RNF144A: variants seen among roughly 807,000 people sequenced by gnomAD.
RNF144A encodes the protein E3 ubiquitin-protein ligase RNF144A.
In RNF144A, 11 loss-of-function variants were observed where a neutral mutation model predicts 38.7. The ratio of observed to expected loss-of-function variants is 0.28; its 90% CI spans 0.18 to 0.47. The LOEUF is 0.47. Ranked by LOEUF, RNF144A falls within the 20% of genes least tolerant of loss-of-function variation. The probability of loss-of-function intolerance (pLI) is 0.99; values close to 1 mark genes in which losing one functional copy is unlikely to be tolerated. For missense variants in RNF144A, 316 were observed against 377.2 expected (o/e 0.84, Z 1.34); for synonymous variants, 149 against 143.9 (o/e 1.04, Z -0.25).
intron 6 of RNF144A, among the ~76,000 whole-genome samples, chr2:7,023,519 A>G (rs1278701999): frequency 6.6e-6 from 1 of 152,144 alleles, no homozygotes; most frequent in Non-Finnish European, 1.5e-5. Context: ...GGACCCCCAT[A>G]ATCAGTGATA....
intron 2 of RNF144A, among the ~76,000 whole-genome samples, chr2:6,990,572 A>AACACAC (rs70942685): frequency 4.9e-4 from 41 of 83,968 alleles, no homozygotes; most frequent in South Asian, 2.4e-3. Flanking sequence ...TACACACACA[A>AACACAC]ACACACACAC....
chr2:6,980,989 A>G (rs1000040602), intron 2 of RNF144A, among the ~76,000 whole-genome samples: 1 of 152,226 alleles, frequency 6.6e-6, no homozygotes, highest in African/African-American at 2.4e-5. Flanking sequence ...CACCCTCTGA[A>G]GCAATGGCCT....
At chr2:7,064,936 C>T (rs1460861333) in intron 6 of RNF144A, among the ~76,000 whole-genome samples, 2 of 152,122 alleles carry the variant, frequency 1.3e-5, no homozygotes, top group African/African-American at 4.8e-5. Flanking sequence ...ATCACCAAGC[C>T]CTGAGAACTC....
At chr2:6,964,136 T>C (rs1391883653) in intron 2 of RNF144A, among the ~76,000 whole-genome samples, 2 of 152,178 alleles carry the variant, frequency 1.3e-5, no homozygotes, top group Non-Finnish European at 2.9e-5. Context: ...AATGTGAATT[T>C]TCATTCTTTG....
At chr2:6,979,022 T>A (rs1220008977) in intron 2 of RNF144A, among the ~76,000 whole-genome samples, 1 of 152,238 alleles carries the variant, frequency 6.6e-6, no homozygotes, top group Non-Finnish European at 1.5e-5. Flanking sequence ...CTTGGTGGTC[T>A]CTGCAGCCAG....
In RNF144A at chr2:6,941,642, C is replaced by T. The variant is rs1211275686; in HGVS notation, c.-12+495C>T. On this transcript the variant is annotated intron_variant, in intron 2 of 8. Transcript: ENST00000320892. This position sits in a 1 kb window ranked among gnomAD's most constrained non-coding sequence, Gnocchi z 6.5. Reference sequence around the variant, plus strand: ...AGCCGGAAGCAAATTATATACTATGCAACAAGGCCTAGATATTGTAGAGAA... The same window carrying T: ...AGCCGGAAGCAAATTATATACTATGTAACAAGGCCTAGATATTGTAGAGAA... 6.6e-6 allele frequency among the ~76,000 whole-genome samples: 1 copy of T among 152,248 alleles called. No homozygotes were observed. The highest frequency in any genetic ancestry group is 1.5e-5 in the Non-Finnish European group (1 of 68,050).
chr2:7,058,839 T>TC (rs1220162179), intron 6 of RNF144A, among the ~76,000 whole-genome samples: 1 of 152,204 alleles, frequency 6.6e-6, no homozygotes, highest in Non-Finnish European at 1.5e-5. Flanking sequence ...AGTTTTTTTT[T>TC]CTACAGAGCA....
At chr2:6,972,776 A>C (rs958721548) in intron 2 of RNF144A, among the ~76,000 whole-genome samples, 1 of 152,220 alleles carries the variant, frequency 6.6e-6, no homozygotes, top group Non-Finnish European at 1.5e-5. Context: ...CCAAACTCCC[A>C]GAGAAAAGGA....
At chr2:7,032,676 C>A (rs1318678963) in intron 8 of RNF144A, among the ~76,000 whole-genome samples, 1 of 152,218 alleles carries the variant, frequency 6.6e-6, no homozygotes, top group Non-Finnish European at 1.5e-5. Context: ...TTGTCCAAAT[C>A]CCCCCTTTCT....
intron 7 of RNF144A, among the ~76,000 whole-genome samples, chr2:7,024,974 A>G (rs1214597812): frequency 5.9e-5 from 9 of 151,276 alleles, no homozygotes; most frequent in African/African-American, 2.2e-4. Flanking sequence ...TGTTCAGGAT[A>G]GTGAGGACAG....
chr2:6,984,537 C>T (rs532562361), intron 2 of RNF144A, among the ~76,000 whole-genome samples: 1 of 152,258 alleles, frequency 6.6e-6, no homozygotes, highest in East Asian at 1.9e-4. Context: ...CTCCTGACCT[C>T]ATGATCCGCC....
chr2:7,029,462 C>A (rs1028804413), intron 7 of RNF144A, among the ~76,000 whole-genome samples: 19 of 152,224 alleles, frequency 1.2e-4, no homozygotes, highest in African/African-American at 4.6e-4. Flanking sequence ...GAGGCGTCCA[C>A]AGGTGTTCCT....
intron 3 of RNF144A, 79 bp from the exon 4 acceptor site, chr2:7,014,375 C>A: frequency 2.2e-6 from 2 of 926,236 alleles, no homozygotes; most frequent in Non-Finnish European, 3.6e-6. Flanking sequence ...TGTGCCTGGT[C>A]CTTTTTTTAA....
chr2:6,923,213 C>G (rs923258202), intron 1 of RNF144A, among the ~76,000 whole-genome samples: 3 of 152,218 alleles, frequency 2.0e-5, no homozygotes, highest in African/African-American at 7.2e-5. Context: ...GTGTTCCCTC[C>G]ACAGAAATAC....
At chr2:7,029,661 G>A (rs1229958405) in intron 7 of RNF144A, among the ~76,000 whole-genome samples, 1 of 152,246 alleles carries the variant, frequency 6.6e-6, no homozygotes, top group African/African-American at 2.4e-5. Flanking sequence ...CCAATCCCAG[G>A]AATAGCCCTG....
At chr2:6,927,388 T>C (rs1361266991) in intron 1 of RNF144A, among the ~76,000 whole-genome samples, 1 of 152,226 alleles carries the variant, frequency 6.6e-6, no homozygotes, top group African/African-American at 2.4e-5. Flanking sequence ...GACCTTGTTT[T>C]TTTTCTGTCC....
chr2:7,025,206 G>A (rs537292548), intron 7 of RNF144A, among the ~76,000 whole-genome samples: 54 of 152,354 alleles, frequency 3.5e-4, no homozygotes, highest in African/African-American at 1.3e-3. Flanking sequence ...CCTGACGGGA[G>A]GGCACAATCT....
At position 6,944,896 on chromosome 2, in the gene RNF144A, A is replaced by T. The variant is rs1320079901; in HGVS notation, c.-12+3749A>T. Reference sequence around the variant, plus strand: ...ATTCCAGCACGAGCAAAGATTTTTTAAATGTTTAGAATTTATAAAGAGAGG... The same window carrying T: ...ATTCCAGCACGAGCAAAGATTTTTTTAATGTTTAGAATTTATAAAGAGAGG... On this transcript the variant is annotated intron_variant, in intron 2 of 8. Coordinates refer to ENST00000320892, the MANE Select transcript of RNF144A (RefSeq NM_014746.6). The surrounding 1 kb of genome is among the most constrained non-coding windows in gnomAD (Gnocchi z 4.7). 6.6e-6 allele frequency among the ~76,000 whole-genome samples: 1 copy of T among 152,230 alleles called. No homozygotes were observed. The highest frequency in any genetic ancestry group is 1.5e-5 in the Non-Finnish European group (1 of 68,038).
chr2:7,069,725 T>A (rs1486966752), downstream of RNF144A, among the ~76,000 whole-genome samples: 1 of 152,216 alleles, frequency 6.6e-6, no homozygotes, highest in Non-Finnish European at 1.5e-5. Context: ...GTAATTTGAG[T>A]TCAGGGAGAT....
Sources: allele counts gnomAD v4.1 joint callset (sites outside exome capture counted in the v4.1 genomes callset), GRCh38; gene constraint gnomAD v4.1.1; non-coding constraint Gnocchi (gnomAD v3.1); transcripts MANE v1.5; gene names NCBI Gene and HGNC (gene_info 2026-07-23, HGNC 2026-07-21).